The following PIP5K1B variants were observed in gnomAD, a reference collection of about 807,000 sequenced individuals.
PIP5K1B encodes phosphatidylinositol-4-phosphate 5-kinase type 1 beta.
Under a neutral mutation model 67.0 loss-of-function variants are expected in PIP5K1B, and 42 were observed. The ratio of observed to expected loss-of-function variants is 0.63; its 90% confidence interval spans 0.49 to 0.81. PIP5K1B has a LOEUF of 0.81. PIP5K1B is among the 30% of genes least tolerant of loss of function. The probability of loss-of-function intolerance (pLI) is 0.00; values close to 1 mark genes in which losing one functional copy is unlikely to be tolerated. For synonymous variants in PIP5K1B, 214 were observed against 231.4 expected (o/e 0.92, Z 0.68); for missense variants, 459 against 646.3 (o/e 0.71, Z 3.14).
chr9:68,724,063 G>A (rs998480667), intron 1 of PIP5K1B, among the ~76,000 whole-genome samples: 1 of 151,938 alleles, frequency 6.6e-6, no homozygotes, highest in South Asian at 2.1e-4. Context: ...TAAAAGATAG[G>A]TATCTAGTTT....
At chr9:68,984,135 GTA>G (rs1229150028) in intron 14 of PIP5K1B, among the ~76,000 whole-genome samples, 13 of 152,162 alleles carry the variant, frequency 8.5e-5, no homozygotes, top group African/African-American at 3.1e-4. Flanking sequence ...TACTCGTTCT[GTA>G]TTATTATTCT....
intron 2 of PIP5K1B, among the ~76,000 whole-genome samples, chr9:68,767,618 AAG>A (rs935203162): frequency 1.2e-4 from 18 of 151,538 alleles, no homozygotes; most frequent in Admixed American, 2.0e-4. Flanking sequence ...AAAAAAGAAA[AAG>A]AAATAATTTA....
chr9:68,897,362 T>G (rs1016608972), intron 8 of PIP5K1B, among the ~76,000 whole-genome samples: 1 of 152,194 alleles, frequency 6.6e-6, no homozygotes, highest in East Asian at 1.9e-4. Flanking sequence ...ACGACCTTTA[T>G]TTTTTATCAA....
intron 1 of PIP5K1B, among the ~76,000 whole-genome samples, chr9:68,730,557 T>C (rs1441679219): frequency 6.6e-6 from 1 of 152,216 alleles, no homozygotes; most frequent in Non-Finnish European, 1.5e-5. Context: ...GTTACAACAT[T>C]AAATTTTTTT....
intron 2 of PIP5K1B, among the ~76,000 whole-genome samples, chr9:68,778,487 T>A (rs952063920): frequency 6.6e-6 from 1 of 152,238 alleles, no homozygotes; most frequent in African/African-American, 2.4e-5. Flanking sequence ...AATAATCTAT[T>A]TCTTTCACAA....
chr9:68,941,030 C>A, intron 14 of PIP5K1B: 1 of 611,360 alleles, frequency 1.6e-6, no homozygotes. Context: ...ATACTTGGCT[C>A]AATGGAAGAA....
At chr9:68,778,569 C>G (rs1175870532) in intron 2 of PIP5K1B, among the ~76,000 whole-genome samples, 3 of 152,204 alleles carry the variant, frequency 2.0e-5, no homozygotes, top group Non-Finnish European at 2.9e-5. Context: ...CTGCTTCTCC[C>G]CATTGACACT....
At chr9:68,954,422 T>G (rs1828269960) in intron 14 of PIP5K1B, among the ~76,000 whole-genome samples, 1 of 152,312 alleles carries the variant, frequency 6.6e-6, no homozygotes, top group East Asian at 1.9e-4. Flanking sequence ...TCAGCGAAGA[T>G]TCTAAGGTTT....
intron 2 of PIP5K1B, among the ~76,000 whole-genome samples, chr9:68,752,270 T>C (rs561479121): frequency 1.6e-4 from 25 of 152,196 alleles, no homozygotes; most frequent in Admixed American, 1.3e-4. Context: ...AACTTTATAA[T>C]GTCATACATT....
intron 2 of PIP5K1B, among the ~76,000 whole-genome samples, chr9:68,743,207 C>CTT (rs113151542): frequency 8.7e-5 from 12 of 137,598 alleles, no homozygotes; most frequent in Admixed American, 1.5e-4. Context: ...AATACCAAAA[C>CTT]TTTTTTTTTT....
At chr9:68,994,942 C>G (rs150894477) in intron 15 of PIP5K1B, among the ~76,000 whole-genome samples, 1 of 151,222 alleles carries the variant, frequency 6.6e-6, no homozygotes, top group Non-Finnish European at 1.5e-5. Flanking sequence ...TCGAGACCAG[C>G]CAAGGCAACA....
intron 2 of PIP5K1B, among the ~76,000 whole-genome samples, chr9:68,767,487 G>A (rs947523124): frequency 6.6e-6 from 1 of 151,384 alleles, no homozygotes; most frequent in African/African-American, 2.4e-5. Context: ...CCATCTATTC[G>A]GGAGGCTGAG....
At chr9:68,711,516 G>A (rs10781117) in intron 1 of PIP5K1B, among the ~76,000 whole-genome samples, 107,302 of 152,154 alleles carry the variant, frequency 0.71, 38,567 homozygotes, top group African/African-American at 0.85. Context: ...AGGATTTAAT[G>A]AGTGTTTACT....
At chr9:68,835,227 T>G (rs1323796372) in intron 4 of PIP5K1B, among the ~76,000 whole-genome samples, 3 of 152,182 alleles carry the variant, frequency 2.0e-5, no homozygotes, top group Non-Finnish European at 4.4e-5. Flanking sequence ...AGTGTAGACT[T>G]TATAGCTGCA....
At chr9:68,849,242 T>TA (rs771588590) in intron 4 of PIP5K1B, among the ~76,000 whole-genome samples, 1 of 152,196 alleles carries the variant, frequency 6.6e-6, no homozygotes, top group African/African-American at 2.4e-5. Flanking sequence ...AGAGAGTAGT[T>TA]AAAACAATTG....
chr9:68,808,840 G>A (rs546478047), intron 2 of PIP5K1B, among the ~76,000 whole-genome samples: 3 of 152,222 alleles, frequency 2.0e-5, no homozygotes, highest in Non-Finnish European at 2.9e-5. Flanking sequence ...AGGTGCCATC[G>A]TTTGGAATTG....
intron 14 of PIP5K1B, among the ~76,000 whole-genome samples, chr9:68,980,727 G>A (rs878963778): frequency 1.3e-5 from 2 of 152,168 alleles, no homozygotes; most frequent in Admixed American, 1.3e-4. Flanking sequence ...AATCAGAGAC[G>A]CAGAGCTTGT....
chr9:68,844,619 TCTAATGGGGGAG>T, intron 4 of PIP5K1B, among the ~76,000 whole-genome samples: 1 of 75,690 alleles, frequency 1.3e-5, no homozygotes, highest in Non-Finnish European at 3.1e-5. Context: ...ATGGGGGAGA[TCTAATGGGGGAG>T]AGCCAAAGGT....
intron 1 of PIP5K1B, among the ~76,000 whole-genome samples, chr9:68,734,608 A>G (rs1828634459): frequency 6.6e-6 from 1 of 152,200 alleles, no homozygotes; most frequent in Non-Finnish European, 1.5e-5. Flanking sequence ...TTTTTCCTCT[A>G]ATGTGATGAC....
Sources: allele counts gnomAD v4.1 joint callset (sites outside exome capture counted in the v4.1 genomes callset), GRCh38; gene constraint gnomAD v4.1.1; transcripts MANE v1.5; gene names NCBI Gene and HGNC (gene_info 2026-07-23, HGNC 2026-07-21).